The following PLCH1 variants were observed in gnomAD, a reference collection of about 807,000 sequenced individuals.
PLCH1 encodes the protein 1-phosphatidylinositol 4,5-bisphosphate phosphodiesterase eta-1.
In PLCH1, 60 loss-of-function variants were observed where a neutral mutation model predicts 126.7. That is an observed-to-expected ratio of 0.47 (90% CI 0.38 to 0.59). PLCH1 has a LOEUF of 0.59. PLCH1 is among the 20% of genes least tolerant of loss of function. The pLI is 0.00. For synonymous variants in PLCH1, 719 were observed against 734.9 expected (o/e 0.98, Z 0.35); for missense variants, 1,723 against 2,040.0 (o/e 0.84, Z 2.99).
intron 2 of PLCH1, among the ~76,000 whole-genome samples, chr3:155,612,826 T>C (rs1324092573): frequency 1.3e-5 from 2 of 148,360 alleles, no homozygotes; most frequent in African/African-American, 2.5e-5. Context: ...GAGAATCGCT[T>C]GAACCTGGGA....
chr3:155,658,138 C>A, intron 2 of PLCH1: 1 of 217,562 alleles, frequency 4.6e-6, no homozygotes, highest in South Asian at 8.6e-5. Flanking sequence ...AGATGTGCCT[C>A]GAAAGCTGTT....
intron 4 of PLCH1, among the ~76,000 whole-genome samples, chr3:155,587,265 C>T (rs1440487560): frequency 6.6e-6 from 1 of 152,174 alleles, no homozygotes; most frequent in Non-Finnish European, 1.5e-5. Flanking sequence ...TCTCCTATGC[C>T]CTTTTACCTA....
intron 2 of PLCH1, among the ~76,000 whole-genome samples, chr3:155,670,444 C>A (rs1012522656): frequency 2.0e-5 from 3 of 152,108 alleles, no homozygotes; most frequent in Non-Finnish European, 4.4e-5. Context: ...CCTTATGTAA[C>A]ACACATATGC....
chr3:155,547,280 C>A (rs1039952461), intron 10 of PLCH1, among the ~76,000 whole-genome samples: 27 of 151,414 alleles, frequency 1.8e-4, no homozygotes, highest in Admixed American at 2.6e-4. Flanking sequence ...CCAAAAAACA[C>A]ATGAAAAAAT....
chr3:155,580,330 G>T (rs2108580531), intron 6 of PLCH1, among the ~76,000 whole-genome samples: 1 of 152,096 alleles, frequency 6.6e-6, no homozygotes, highest in East Asian at 1.9e-4. Context: ...TTTCATTCTT[G>T]CTAAAGCAAA....
chr3:155,628,164 T>C (rs1318253380), intron 2 of PLCH1, among the ~76,000 whole-genome samples: 2 of 151,876 alleles, frequency 1.3e-5, no homozygotes, highest in Non-Finnish European at 2.9e-5. Context: ...ATATACACTA[T>C]ATAAAAAGGG....
intron 1 of PLCH1, among the ~76,000 whole-genome samples, chr3:155,711,567 C>T (rs1273107706): frequency 2.6e-5 from 4 of 152,156 alleles, no homozygotes; most frequent in Admixed American, 2.0e-4. Flanking sequence ...TAAGAAAACT[C>T]CACCACAGTG....
chr3:155,574,906 G>A (rs566878443), intron 6 of PLCH1, among the ~76,000 whole-genome samples: 16 of 152,158 alleles, frequency 1.1e-4, no homozygotes, highest in East Asian at 7.7e-4. Flanking sequence ...CAAGGTGGGC[G>A]GATCACTTGA....
chr3:155,682,369 C>T (rs923794798), intron 2 of PLCH1, among the ~76,000 whole-genome samples: 7 of 152,166 alleles, frequency 4.6e-5, no homozygotes, highest in African/African-American at 1.4e-4. Flanking sequence ...ATTGCTGCAA[C>T]TTTTATATTA....
At chr3:155,517,967 A>G (rs1232340953) in intron 11 of PLCH1, among the ~76,000 whole-genome samples, 1 of 152,240 alleles carries the variant, frequency 6.6e-6, no homozygotes, top group African/African-American at 2.4e-5. Flanking sequence ...CCCTTTATGC[A>G]TGGGAGATAC....
intron 9 of PLCH1, among the ~76,000 whole-genome samples, chr3:155,553,391 G>C (rs575214226): frequency 6.6e-6 from 1 of 152,238 alleles, no homozygotes; most frequent in South Asian, 2.1e-4. Context: ...TGCTACAGGA[G>C]CCACCGTGCC....
chr3:155,529,389 G>GT (rs35587000), intron 10 of PLCH1, among the ~76,000 whole-genome samples: 31 of 149,426 alleles, frequency 2.1e-4, no homozygotes, highest in African/African-American at 5.9e-4. Context: ...ATTACTATTT[G>GT]TTTTTTTTTT....
chr3:155,585,230 T>C (rs548930461), intron 5 of PLCH1, among the ~76,000 whole-genome samples: 2 of 152,150 alleles, frequency 1.3e-5, no homozygotes, highest in Non-Finnish European at 2.9e-5. Context: ...TTGCAACACA[T>C]ACCCCATGTT....
At chr3:155,681,376 G>A (rs751338829) in intron 2 of PLCH1, among the ~76,000 whole-genome samples, 6 of 152,098 alleles carry the variant, frequency 3.9e-5, no homozygotes, top group Non-Finnish European at 8.8e-5. Flanking sequence ...ATGCCCTTTT[G>A]AGTAGATTAG....
In PLCH1 at chr3:155,602,543, G is replaced by A. The variant is rs533924385; in HGVS notation, c.80-6165C>T. 7.7e-4 allele frequency among the ~76,000 whole-genome samples: 117 copies of A among 152,254 alleles called. No individual in the cohort carries two copies. The East Asian group carries it at 0.013, about 17-fold the overall frequency. On this transcript the variant is annotated intron_variant, in intron 2 of 22. Transcript: ENST00000460012. ...TTTGTCATTGTGTGAACATCATAGT[G>A]TATTCACACAGACCTAGATTGCATA...
At chr3:155,602,094 A>G (rs1020915786) in intron 2 of PLCH1, among the ~76,000 whole-genome samples, 12 of 152,140 alleles carry the variant, frequency 7.9e-5, no homozygotes, top group African/African-American at 2.9e-4. Context: ...ATTACCCTGA[A>G]TAGGAGACAG....
intron 2 of PLCH1, among the ~76,000 whole-genome samples, chr3:155,694,235 T>C (rs1190210400): frequency 6.6e-6 from 1 of 152,166 alleles, no homozygotes. Context: ...TAGAATCACA[T>C]GAAGAGTTCT....
At chr3:155,627,454 C>A (rs575495655) in intron 2 of PLCH1, among the ~76,000 whole-genome samples, 41 of 142,736 alleles carry the variant, frequency 2.9e-4, no homozygotes, top group African/African-American at 1.1e-3. Context: ...CATGGTGAAA[C>A]CCCGTCTCTA....
rs1285686489 is a variant in PLCH1 at position 155,549,961 on chromosome 3, G to C, written c.1191-3C>G. ...CGATAGACAATATAACAGGAAACCT[G>C]AGAAAAGAGCAACACAGTCCAGAGG... On this transcript the variant is annotated splice_polypyrimidine_tract_variant and splice_region_variant and intron_variant, in intron 9 of 22. Coordinates refer to ENST00000460012, the MANE Select transcript of PLCH1 (RefSeq NM_014996.4). 2 of 1,612,806 alleles carry C rather than the reference G, an allele frequency of 1.2e-6. No individual in the cohort carries two copies. The highest frequency in any genetic ancestry group is 1.7e-6 in the Non-Finnish European group (2 of 1,179,390).
Sources: gnomAD v4.1 joint callset for allele counts (sites outside exome capture counted in the v4.1 genomes callset) on GRCh38, gnomAD v4.1.1 for gene constraint, MANE v1.5 for transcripts, NCBI Gene and HGNC (gene_info 2026-07-23, HGNC 2026-07-21) for gene names.